The following TANC1 variants were observed in gnomAD, a reference collection of about 807,000 sequenced individuals.
TANC1 encodes the protein tetratricopeptide repeat, ankyrin repeat and coiled-coil containing 1.
Under a neutral mutation model 149.7 loss-of-function variants are expected in TANC1, and 77 were observed. The observed-to-expected ratio is 0.51, with a 90% CI of 0.43 to 0.62. The LOEUF is 0.62. TANC1 is among the 20% of genes least tolerant of loss of function. The pLI is 0.00. For synonymous variants in TANC1, 854 were observed against 925.0 expected (o/e 0.92, Z 1.39); for missense variants, 1,985 against 2,321.8 (o/e 0.85, Z 2.98).
rs745504087 is a variant in TANC1 at position 159,174,923 on chromosome 2, G to A, written c.1504-30G>A. On this transcript the variant is annotated intron_variant, in intron 11 of 26. Transcript: ENST00000263635. ...AGAAGGAGCTGTGTGAAGAGGGTGA[G>A]GTGATGCTGACGGTTCTGCTTCCCC... The A allele has an allele frequency of 2.6e-6, 4 of 1,554,024 alleles. No homozygotes were observed. In the African/African-American group the frequency reaches 5.4e-5, roughly 21 times the overall value.
At chr2:159,224,124 C>A in intron 22 of TANC1, 108 bp from the exon 23 acceptor site, 2 of 1,282,984 alleles carry the variant, frequency 1.6e-6, no homozygotes, top group Non-Finnish European at 2.2e-6. Flanking sequence ...CCTTAATAGG[C>A]AGAGGCATCT....
Position 159,219,225 on chromosome 2 carries a change from A to G in TANC1, c.3379-13A>G, listed in dbSNP as rs1559480825. 6.2e-7 allele frequency: 1 copy of G among 1,614,022 alleles called. No homozygotes were observed. Among genetic ancestry groups the G allele is most frequent in the Non-Finnish European group, 8.5e-7 (1 of 1,179,920 alleles). ...TGCAGCAGGAGGATGGTAATTCCAAATGTCTCTTCCAGATTGTTAGACTGC... is the reference window on the plus strand; with the variant it reads ...TGCAGCAGGAGGATGGTAATTCCAAGTGTCTCTTCCAGATTGTTAGACTGC... On this transcript the variant is annotated splice_polypyrimidine_tract_variant and intron_variant, in intron 20 of 26. Transcript: ENST00000263635.
At position 159,219,977 on chromosome 2, in the gene TANC1, AGTGTGTGTGT is replaced by A. The variant is rs760037919; in HGVS notation, c.3678+145_3678+154del. The A allele has an allele frequency of 5.2e-3, 2,926 of 560,512 alleles. 27 individuals are homozygous for A. Among genetic ancestry groups the A allele is most frequent in the African/African-American group, 0.032 (1,542 of 48,436 alleles). 34.7% of individuals were successfully genotyped at this position (560,512 alleles called of 1,614,324 possible). ...AGGTTGTGTCTCAGTGTCATCAGAGAGTGTGTGTGTGTGTGTGTGTGTGTGTGTGTGTGTG... is the reference window on the plus strand; with the variant it reads ...AGGTTGTGTCTCAGTGTCATCAGAGAGTGTGTGTGTGTGTGTGTGTGTGTG... On this transcript the variant is annotated intron_variant, in intron 22 of 26. Transcript: ENST00000263635.
intron 5 of TANC1, among the ~76,000 whole-genome samples, chr2:159,136,560 A>G (rs1156413614): frequency 1.3e-5 from 2 of 152,190 alleles, no homozygotes; most frequent in Non-Finnish European, 2.9e-5. Context: ...TTGACCTACC[A>G]GGTCTTGGAG....
chr2:159,218,190 C>A (rs1287572833), intron 20 of TANC1, among the ~76,000 whole-genome samples: 3 of 152,188 alleles, frequency 2.0e-5, no homozygotes, highest in African/African-American at 4.8e-5. Context: ...CTACCCTACA[C>A]CTAGCACCAA....
intron 8 of TANC1, among the ~76,000 whole-genome samples, chr2:159,168,796 C>T (rs995437913): frequency 3.9e-5 from 6 of 151,924 alleles, no homozygotes; most frequent in South Asian, 2.1e-4. Context: ...TTAGTGTTCT[C>T]GGTGCTGTGG....
At chr2:159,115,666 A>G (rs1304006224) in intron 4 of TANC1, among the ~76,000 whole-genome samples, 1 of 152,050 alleles carries the variant, frequency 6.6e-6, no homozygotes, top group Non-Finnish European at 1.5e-5. Context: ...ATCCTGGCAT[A>G]CCCTTAACTC....
At chr2:159,140,865 A>G (rs1312452721) in intron 5 of TANC1, among the ~76,000 whole-genome samples, 1 of 151,758 alleles carries the variant, frequency 6.6e-6, no homozygotes, top group African/African-American at 2.4e-5. Context: ...TAATTTTTGT[A>G]TTTTTAGTAG....
intron 19 of TANC1, among the ~76,000 whole-genome samples, chr2:159,210,818 G>A (rs537242100): frequency 2.6e-5 from 4 of 151,840 alleles, no homozygotes; most frequent in South Asian, 2.1e-4. Context: ...TGATCTGCAC[G>A]CCTCGGCCTC....
chr2:159,010,771 G>A (rs2037680779), intron 2 of TANC1, among the ~76,000 whole-genome samples: 2 of 146,820 alleles, frequency 1.4e-5, no homozygotes, highest in African/African-American at 5.0e-5. Context: ...TTCTCTGAAT[G>A]ACCTTAGACA....
intron 3 of TANC1, among the ~76,000 whole-genome samples, chr2:159,078,289 G>T (rs1366476273): frequency 1.3e-5 from 2 of 152,134 alleles, no homozygotes; most frequent in African/African-American, 4.8e-5. Flanking sequence ...CTACCTGTTT[G>T]TTTACCTATT....
Position 159,227,951 on chromosome 2 carries a change from C to T in TANC1, c.4036C>T (p.Arg1346Ter), listed in dbSNP as rs767613842. 5 of 1,612,388 alleles carry T rather than the reference C, an allele frequency of 3.1e-6. No individual in the cohort carries two copies. The highest frequency in any genetic ancestry group is 1.3e-5 in the African/African-American group (1 of 74,784). The change falls in exon 25 of 27, where the codon CGA becomes TGA. Residue 1346 changes from arginine (R) to a stop codon, truncating the protein, a stop_gained. Coordinates refer to ENST00000263635, the MANE Select transcript of TANC1 (RefSeq NM_033394.3). LOFTEE classifies it high-confidence loss of function. Reference protein sequence around the residue: ...VSLYLNLSRCRRKTNDFGMAE... With the variant: ...VSLYLNLSRC ...CCTCTATCTCAATTTGTCGCGATGC[C>T]GAAGAAAAACAAATGTAAGCTGTGC...
intron 19 of TANC1, among the ~76,000 whole-genome samples, chr2:159,210,510 G>C (rs751171568): frequency 1.5e-4 from 23 of 152,122 alleles, no homozygotes; most frequent in Non-Finnish European, 3.2e-4. Context: ...GGTGCAAAAA[G>C]CTCTCTCACT....
At chr2:159,108,949 G>C (rs1357168605) in intron 4 of TANC1, among the ~76,000 whole-genome samples, 1 of 152,188 alleles carries the variant, frequency 6.6e-6, no homozygotes, top group Admixed American at 6.5e-5. Flanking sequence ...GCCATGCAGG[G>C]AGCCCCTTTT....
chr2:159,098,869 C>T (rs1000213313), intron 4 of TANC1, among the ~76,000 whole-genome samples: 7 of 151,266 alleles, frequency 4.6e-5, no homozygotes, highest in South Asian at 2.1e-4. Context: ...TTACAAAAGG[C>T]GGATAATTTG....
intron 19 of TANC1, among the ~76,000 whole-genome samples, chr2:159,216,534 C>G (rs555706207): frequency 6.6e-6 from 1 of 152,110 alleles, no homozygotes; most frequent in African/African-American, 2.4e-5. Flanking sequence ...ATGATTCTTG[C>G]GATGAGCAGA....
intron 14 of TANC1, 103 bp downstream of exon 14, chr2:159,179,266 A>C: frequency 7.1e-7 from 1 of 1,415,224 alleles, no homozygotes; most frequent in East Asian, 2.3e-5. Flanking sequence ...GGCAATCCAG[A>C]ATGACTAATT....
intron 3 of TANC1, among the ~76,000 whole-genome samples, chr2:159,081,348 G>A (rs566802871): frequency 6.6e-6 from 1 of 152,062 alleles, no homozygotes; most frequent in Non-Finnish European, 1.5e-5. Flanking sequence ...AGGTGGGAAG[G>A]CCAGAAGTGC....
intron 14 of TANC1, among the ~76,000 whole-genome samples, chr2:159,184,227 G>A (rs116379872): frequency 1.1e-3 from 172 of 152,374 alleles, no homozygotes; most frequent in African/African-American, 3.7e-3. Context: ...CTGGCATAGA[G>A]TAAGAGCTTG....
Sources: gnomAD v4.1 joint callset for allele counts (sites outside exome capture counted in the v4.1 genomes callset) on GRCh38, gnomAD v4.1.1 for gene constraint, MANE v1.5 for transcripts, NCBI Gene and HGNC (gene_info 2026-07-23, HGNC 2026-07-21) for gene names.